TRIM5: variants seen among roughly 807,000 people sequenced by gnomAD.
TRIM5 encodes tripartite motif containing 5.
TRIM5 carries 31 observed loss-of-function variants against 35.6 expected under a neutral mutation model. That is an observed-to-expected ratio of 0.87 (90% CI 0.65 to 1.18). The LOEUF is 1.18. Ranked by LOEUF, TRIM5 falls within the 50% of genes most tolerant of loss-of-function variation. The pLI is 0.00. For synonymous variants in TRIM5, 243 were observed against 215.6 expected (o/e 1.13, Z -1.11); for missense variants, 609 against 591.6 (o/e 1.03, Z -0.31).
the TRIM5 span, chr11:5,643,124 T>TATATATAG: frequency 2.9e-5 from 33 of 1,132,926 alleles, no homozygotes; most frequent in East Asian, 9.3e-5. Context: ...CATATATATA[T>TATATATAG]ATTTTTTTTT....
the TRIM5 span, chr11:5,605,410 A>C: frequency 1.9e-6 from 3 of 1,614,202 alleles, no homozygotes; most frequent in Non-Finnish European, 2.5e-6. Context: ...GACAGAGTGG[A>C]GCAACGGGAG....
intron 1 of TRIM5, among the ~76,000 whole-genome samples, chr11:5,684,331 A>C (rs1270020741): frequency 6.6e-6 from 1 of 151,810 alleles, no homozygotes; most frequent in Admixed American, 6.6e-5. Context: ...GAGCTCTCTT[A>C]CTCTCCACTC....
chr11:5,643,221 C>A, the TRIM5 span: 2 of 1,612,604 alleles, frequency 1.2e-6, no homozygotes, highest in South Asian at 2.2e-5. Context: ...GATATCTGTG[C>A]CAATTTGGCC....
At chr11:5,655,574 C>T in the TRIM5 span, 1 of 878,922 alleles carries the variant, frequency 1.1e-6, no homozygotes, top group Non-Finnish European at 1.4e-6. Context: ...AAGAAACATT[C>T]ATTTCTTGGT....
the TRIM5 span, among the ~76,000 whole-genome samples, chr11:5,598,718 CAT>C: frequency 6.6e-6 from 1 of 152,224 alleles, no homozygotes; most frequent in East Asian, 1.9e-4. Flanking sequence ...TATCTGGCTA[CAT>C]GTTTGACAAC....
At chr11:5,599,200 T>C in the TRIM5 span, among the ~76,000 whole-genome samples, 1 of 152,202 alleles carries the variant, frequency 6.6e-6, no homozygotes. Context: ...CAGTTAGTGA[T>C]GTCATGGATT....
At chr11:5,606,926 G>C in the TRIM5 span, among the ~76,000 whole-genome samples, 1 of 152,162 alleles carries the variant, frequency 6.6e-6, no homozygotes, top group Non-Finnish European at 1.5e-5. Flanking sequence ...AGCCAAGGCC[G>C]AGCGCGGTGG....
At chr11:5,634,924 T>A in the TRIM5 span, 1 of 1,549,120 alleles carries the variant, frequency 6.5e-7, no homozygotes, top group Non-Finnish European at 8.7e-7. Context: ...CCTTGCGTTC[T>A]CATCCTGGTG....
chr11:5,601,095 C>T, the TRIM5 span, among the ~76,000 whole-genome samples: 3 of 152,164 alleles, frequency 2.0e-5, no homozygotes, highest in African/African-American at 7.2e-5. Context: ...TACATATGGA[C>T]CCCCTTAGGA....
At chr11:5,631,395 A>G in the TRIM5 span, among the ~76,000 whole-genome samples, 1 of 152,234 alleles carries the variant, frequency 6.6e-6, no homozygotes, top group Non-Finnish European at 1.5e-5. Flanking sequence ...GTTCACTCCA[A>G]TTCTACCATC....
At chr11:5,627,215 A>C in the TRIM5 span, among the ~76,000 whole-genome samples, 1 of 151,788 alleles carries the variant, frequency 6.6e-6, no homozygotes, top group Non-Finnish European at 1.5e-5. Flanking sequence ...AACTCTCTCT[A>C]CTAAAAATAC....
the TRIM5 span, chr11:5,604,670 C>G: frequency 1.9e-6 from 3 of 1,594,320 alleles, no homozygotes; most frequent in Non-Finnish European, 2.6e-6. Context: ...GGGCAGGAAT[C>G]ATGGCAGGTC....
At chr11:5,608,079 G>A in the TRIM5 span, among the ~76,000 whole-genome samples, 1 of 152,170 alleles carries the variant, frequency 6.6e-6, no homozygotes, top group African/African-American at 2.4e-5. Context: ...CTCTAGGCCA[G>A]GCACAATGCC....
At position 5,665,291 on chromosome 11, in the gene TRIM5, T is replaced by TC. The variant is rs758314490; in HGVS notation, c.999dup (p.Thr334AspfsTer49). On this transcript the variant is annotated frameshift_variant, in exon 8 of 8. Transcript: ENST00000380034. LOFTEE classifies it low-confidence loss of function (END_TRUNC). ...AAATTCACAAATGTCTGGTATCTTGTCCCTCGTGCCCCATATATTATCTGT... is the reference window on the plus strand; with the variant it reads ...AAATTCACAAATGTCTGGTATCTTGTCCCCTCGTGCCCCATATATTATCTGT... 4.6e-5 allele frequency: 74 copies of TC among 1,614,056 alleles called. No individual in the cohort carries two copies. Among genetic ancestry groups the TC allele is most frequent in the Non-Finnish European group, 6.3e-5 (74 of 1,180,040 alleles).
the TRIM5 span, among the ~76,000 whole-genome samples, chr11:5,594,652 C>CT: frequency 6.6e-6 from 1 of 152,056 alleles, no homozygotes; most frequent in Non-Finnish European, 1.5e-5. Flanking sequence ...AAATGAAGCC[C>CT]TATGCTGACA....
the TRIM5 span, chr11:5,603,837 C>T: frequency 2.2e-5 from 33 of 1,478,028 alleles, no homozygotes; most frequent in South Asian, 1.7e-4. Flanking sequence ...CTTTATTTAC[C>T]TAGAGAATGA....
At chr11:5,643,068 T>A in the TRIM5 span, 4 of 1,281,928 alleles carry the variant, frequency 3.1e-6, no homozygotes, top group Non-Finnish European at 4.1e-6. Flanking sequence ...CTACTCCATA[T>A]CTGTCACCTA....
chr11:5,612,307 A>G, the TRIM5 span: 5 of 152,208 alleles, frequency 3.3e-5, no homozygotes, highest in Non-Finnish European at 5.9e-5. Flanking sequence ...AAACCATTAT[A>G]ATGATAATTT....
At chr11:5,625,681 C>T in the TRIM5 span, among the ~76,000 whole-genome samples, 7 of 150,354 alleles carry the variant, frequency 4.7e-5, no homozygotes, top group African/African-American at 1.5e-4. Context: ...TGCCGCACAC[C>T]GCTCTGTTCC....
Sources: allele counts gnomAD v4.1 joint callset (sites outside exome capture counted in the v4.1 genomes callset), GRCh38; gene constraint gnomAD v4.1.1; transcripts MANE v1.5; gene names NCBI Gene and HGNC (gene_info 2026-07-23, HGNC 2026-07-21).